The following AK5 variants were observed in gnomAD, a reference collection of about 807,000 sequenced individuals.
The protein encoded by AK5 is adenylate kinase isoenzyme 5.
AK5 carries 27 observed loss-of-function variants against 69.5 expected under a neutral mutation model. The observed-to-expected ratio is 0.39, with a 90% CI of 0.29 to 0.54. The LOEUF (loss-of-function observed/expected upper bound fraction) is 0.54, where lower values mean the gene tolerates loss of function less well. Among genes scored for constraint, AK5 ranks in the 20% least tolerant of loss-of-function variants. The pLI, the probability that AK5 is intolerant of heterozygous loss-of-function variation, is 0.71. For missense variants in AK5, 531 were observed against 700.4 expected, an observed-to-expected ratio of 0.76 and a Z score of 2.73; for synonymous variants, 260 against 244.4, an observed-to-expected ratio of 1.06 and a Z score of -0.60.
At chr1:77,391,108 GA>G (rs999775338) in intron 6 of AK5, among the ~76,000 whole-genome samples, 1 of 152,118 alleles carries the variant, frequency 6.6e-6, no homozygotes, top group Non-Finnish European at 1.5e-5. Flanking sequence ...TGAGCGAAGG[GA>G]AAAGCAGAAG....
intron 10 of AK5, among the ~76,000 whole-genome samples, chr1:77,495,785 C>A (rs1329559435): frequency 6.6e-6 from 1 of 152,074 alleles, no homozygotes; most frequent in African/African-American, 2.4e-5. Flanking sequence ...TGATCTCAAA[C>A]AGTGGCCTAG....
intron 6 of AK5, among the ~76,000 whole-genome samples, chr1:77,404,024 A>G (rs1557564821): frequency 6.6e-6 from 1 of 152,094 alleles, no homozygotes; most frequent in Non-Finnish European, 1.5e-5. Flanking sequence ...ATCCCTCGTA[A>G]GTTGGATTCC....
chr1:77,419,768 G>A (rs1415572928), intron 8 of AK5, among the ~76,000 whole-genome samples: 1 of 152,138 alleles, frequency 6.6e-6, no homozygotes, highest in Non-Finnish European at 1.5e-5. Context: ...GGAGGTGATG[G>A]AGCCGAGGTT....
intron 5 of AK5, among the ~76,000 whole-genome samples, chr1:77,310,024 A>T (rs1659856148): frequency 6.6e-6 from 1 of 152,114 alleles, no homozygotes; most frequent in South Asian, 2.1e-4. Context: ...CCATAATCTC[A>T]TAAAAATCTT....
chr1:77,282,882 A>G, intron 1 of AK5: 1 of 986,404 alleles, frequency 1.0e-6, no homozygotes. Flanking sequence ...ATGAAGATGC[A>G]AAAAGCAAAA....
chr1:77,467,104 C>G (rs766244349), intron 8 of AK5, among the ~76,000 whole-genome samples: 1 of 152,196 alleles, frequency 6.6e-6, no homozygotes, highest in South Asian at 2.1e-4. Flanking sequence ...GTAACATACT[C>G]CTGTATAGAA....
Position 77,293,975 on chromosome 1 carries a change from A to G in AK5, c.415+15A>G. 6.2e-7 allele frequency: 1 copy of G among 1,600,772 alleles called. No homozygotes were observed. The highest frequency in any genetic ancestry group is 8.5e-7 in the Non-Finnish European group (1 of 1,176,384). ...TCTTGTTATAGGTATGAGGACAGAA[A>G]GCAAAAATTCTCATACCGTTGCTGC... is the stretch of plus-strand genomic sequence containing the variant. On this transcript the variant is annotated intron_variant, in intron 3 of 13. Coordinates refer to ENST00000354567, the MANE Select transcript of AK5 (RefSeq NM_174858.3).
intron 5 of AK5, among the ~76,000 whole-genome samples, chr1:77,334,969 C>T (rs777270747): frequency 1.6e-4 from 25 of 152,202 alleles, no homozygotes; most frequent in Non-Finnish European, 3.2e-4. Context: ...TGTCTTTTTT[C>T]CTTTTTTTAG....
rs553459748 is a variant in AK5 at position 77,327,190 on chromosome 1, C to A, written c.700-13187C>A. Among the ~76,000 whole-genome samples, 5 of 152,128 alleles carry A rather than the reference C, an allele frequency of 3.3e-5. No homozygotes were observed. In the East Asian group the frequency reaches 9.7e-4, roughly 29 times the overall value. The stretch of plus-strand genomic sequence containing the variant: ...TTGTTTGAGGCCAGGAGTTCAAGAC[C>A]AGCCTGGGCAAACCAGGAAGACCCT... On this transcript the variant is annotated intron_variant, in intron 5 of 13. Coordinates refer to ENST00000354567, the MANE Select transcript of AK5 (RefSeq NM_174858.3).
intron 5 of AK5, among the ~76,000 whole-genome samples, chr1:77,309,104 T>C (rs1659802091): frequency 6.6e-6 from 1 of 151,572 alleles, no homozygotes; most frequent in Admixed American, 6.6e-5. Flanking sequence ...AGGGAGAACA[T>C]TAGGAAAAAT....
At chr1:77,432,854 A>C (rs576479088) in intron 8 of AK5, among the ~76,000 whole-genome samples, 1 of 152,360 alleles carries the variant, frequency 6.6e-6, no homozygotes, top group South Asian at 2.1e-4. Context: ...CTTGCCAAAG[A>C]AAAAGGTAAG....
intron 13 of AK5, among the ~76,000 whole-genome samples, chr1:77,538,360 C>CAAA (rs142649086): frequency 6.9e-6 from 1 of 144,530 alleles, no homozygotes; most frequent in Non-Finnish European, 1.5e-5. Context: ...ACAACAACAA[C>CAAA]AAAAAAAAAA....
chr1:77,543,717 A>G (rs934002961), intron 13 of AK5, among the ~76,000 whole-genome samples: 8 of 152,110 alleles, frequency 5.3e-5, no homozygotes, highest in Admixed American at 5.2e-4. Context: ...AGTTTTCAGA[A>G]TTCTTGTGAC....
chr1:77,344,515 A>C (rs1661813839), intron 6 of AK5, among the ~76,000 whole-genome samples: 1 of 152,154 alleles, frequency 6.6e-6, no homozygotes. Flanking sequence ...ATATTGCTGG[A>C]TCTAGGAAAG....
intron 10 of AK5, among the ~76,000 whole-genome samples, chr1:77,498,672 T>G (rs1345529471): frequency 6.6e-6 from 1 of 152,168 alleles, no homozygotes. Context: ...ATACAAACAT[T>G]ACCTGTCACT....
intron 8 of AK5, among the ~76,000 whole-genome samples, chr1:77,482,147 T>C (rs1655293274): frequency 6.6e-6 from 1 of 152,236 alleles, no homozygotes; most frequent in Admixed American, 6.5e-5. Flanking sequence ...TATCTATTTA[T>C]GTTCACATGT....
chr1:77,343,913 A>G (rs1661784270), intron 6 of AK5, among the ~76,000 whole-genome samples: 1 of 152,240 alleles, frequency 6.6e-6, no homozygotes, highest in African/African-American at 2.4e-5. Context: ...GTTATTGAAG[A>G]AATCCAAAAT....
chr1:77,318,796 T>C (rs1356219338), intron 5 of AK5, among the ~76,000 whole-genome samples: 1 of 152,030 alleles, frequency 6.6e-6, no homozygotes, highest in Non-Finnish European at 1.5e-5. Flanking sequence ...GATTTCTGTC[T>C]ACTCTCCACT....
chr1:77,475,195 A>ATATATATATATGTG (rs1182380859), intron 8 of AK5, among the ~76,000 whole-genome samples: 63 of 29,112 alleles, frequency 2.2e-3, no homozygotes, highest in Non-Finnish European at 2.5e-3. Context: ...ATATATATAT[A>ATATATATATATGTG]TGTGTGTGTG....
Sources: allele counts gnomAD v4.1 joint callset (sites outside exome capture counted in the v4.1 genomes callset), GRCh38; gene constraint gnomAD v4.1.1; transcripts MANE v1.5; gene names NCBI Gene and HGNC (gene_info 2026-07-23, HGNC 2026-07-21).